The following GORAB variants were observed in gnomAD, a reference collection of about 807,000 sequenced individuals.
GORAB encodes golgin, RAB6 interacting, also known as RAB6-interacting golgin.
In GORAB, 17 loss-of-function variants were observed where a neutral mutation model predicts 29.9. That is an observed-to-expected ratio of 0.57 (90% CI 0.39 to 0.85). GORAB has a LOEUF of 0.85. Ranked by LOEUF, GORAB falls within the 40% of genes least tolerant of loss-of-function variation. The pLI is 0.00. For missense variants in GORAB, 442 were observed against 437.8 expected, an observed-to-expected ratio of 1.01 and a Z score of -0.09; for synonymous variants, 183 against 157.2, an observed-to-expected ratio of 1.16 and a Z score of -1.23.
At chr1:170,537,687 C>A (rs1306322979) in intron 1 of GORAB, among the ~76,000 whole-genome samples, 1 of 152,186 alleles carries the variant, frequency 6.6e-6, no homozygotes, top group Non-Finnish European at 1.5e-5. Context: ...AATTTGCCCC[C>A]TTTACACTAG....
At chr1:170,537,994 G>T (rs1649163742) in intron 1 of GORAB, among the ~76,000 whole-genome samples, 1 of 152,168 alleles carries the variant, frequency 6.6e-6, no homozygotes, top group South Asian at 2.1e-4. Flanking sequence ...ATGTGTTCCT[G>T]TTGCAAGATA....
At chr1:170,544,493 A>T (rs1483349812) in intron 3 of GORAB, 1 of 443,906 alleles carries the variant, frequency 2.3e-6, no homozygotes, top group Non-Finnish European at 4.0e-6. Context: ...TTTTAGACTT[A>T]TTTGTTACTT....
At chr1:170,532,929 C>T (rs1309494274) in intron 1 of GORAB, among the ~76,000 whole-genome samples, 2 of 152,180 alleles carry the variant, frequency 1.3e-5, no homozygotes, top group African/African-American at 2.4e-5. Flanking sequence ...CCTTGTGCTT[C>T]TCTCTCTGGC....
Position 170,550,862 on chromosome 1 carries a change from C to T in GORAB, c.663-1153C>T, listed in dbSNP as rs535686124. Among the ~76,000 whole-genome samples, 5 of 151,888 alleles carry T rather than the reference C, an allele frequency of 3.3e-5. No individual in the cohort carries two copies. The East Asian group carries it at 9.7e-4, about 29-fold the overall frequency. The stretch of plus-strand genomic sequence containing the variant: ...CAAGAGAGGAAGGACCCTCTTGTTG[C>T]AAAAAGAAAAGCAACAAATTTTATA... On this transcript the variant is annotated intron_variant, in intron 4 of 4. Coordinates refer to ENST00000367763, the MANE Select transcript of GORAB (RefSeq NM_152281.3).
At chr1:170,548,320 G>A (rs1217249670) in intron 4 of GORAB, among the ~76,000 whole-genome samples, 1 of 147,412 alleles carries the variant, frequency 6.8e-6, no homozygotes, top group East Asian at 2.0e-4. Context: ...TTACACTTAG[G>A]GTCCAGCTGG....
At chr1:170,541,808 T>G (rs936344744) in intron 2 of GORAB, among the ~76,000 whole-genome samples, 2 of 152,070 alleles carry the variant, frequency 1.3e-5, no homozygotes. Context: ...AGTGTTTTAC[T>G]TTGTTTAAAA....
chr1:170,544,636 C>G (rs1649641208), intron 3 of GORAB, 69 bp from the exon 4 acceptor site: 1 of 1,351,294 alleles, frequency 7.4e-7, no homozygotes, highest in East Asian at 2.3e-5. Context: ...TGCTTTTTCA[C>G]TTACATTGTA....
chr1:170,552,043 T>C lies in GORAB; in HGVS notation c.691T>C (p.Tyr231His). 1 of 1,613,824 alleles carries C rather than the reference T, an allele frequency of 6.2e-7. No homozygotes were observed. Among genetic ancestry groups the C allele is most frequent in the Non-Finnish European group, 8.5e-7 (1 of 1,179,910 alleles). ...GCGGTTTGACAGGGCTGAAGCAGAG[T>C]ACATTGCAGCAAAGCTAGATATACA... Reference protein sequence around the residue: ...RKRFDRAEAEYIAAKLDIQRK... With the variant: ...RKRFDRAEAEHIAAKLDIQRK... Residue 231 changes from tyrosine to histidine, a missense_variant, in exon 5 of 5, where the codon TAC (tyrosine) becomes CAC (histidine). Physicochemically the swap from Tyr to His is moderately conservative, Grantham distance 83. Coordinates refer to ENST00000367763, the MANE Select transcript of GORAB (RefSeq NM_152281.3).
Position 170,553,609 on chromosome 1 carries a change from T to G in GORAB, c.*1147T>G, listed in dbSNP as rs145282676. ...GTTTCTGAAAAACTTAGGGACATCC[T>G]GTTTTTAAATGGGTTTGTTTGAGGG... On this transcript the variant is annotated 3_prime_UTR_variant, in exon 5 of 5. Transcript: ENST00000367763. 6.6e-5 allele frequency: 30 copies of G among 453,002 alleles called. No individual in the cohort carries two copies. The East Asian group carries it at 2.1e-3, about 31-fold the overall frequency. 28.1% of individuals were successfully genotyped at this position (453,002 alleles called of 1,614,324 possible).
At chr1:170,536,986 C>T (rs1475626063) in intron 1 of GORAB, among the ~76,000 whole-genome samples, 1 of 152,124 alleles carries the variant, frequency 6.6e-6, no homozygotes, top group East Asian at 1.9e-4. Flanking sequence ...GTATATATCA[C>T]AAACTGGTAG....
intron 1 of GORAB, chr1:170,533,478 G>C (rs1310792842): frequency 2.3e-6 from 1 of 426,296 alleles, no homozygotes; most frequent in African/African-American, 2.0e-5. Context: ...CAAGTGCCCT[G>C]GCCTCTGGTC....
chr1:170,541,203 CAAAAAA>C (rs67384213), intron 2 of GORAB, among the ~76,000 whole-genome samples: 10 of 46,332 alleles, frequency 2.2e-4, no homozygotes, highest in Admixed American at 7.5e-4. Context: ...GATTCTGTCC[CAAAAAA>C]AAAAAAAAAA....
chr1:170,544,427 T>A (rs764978536), intron 3 of GORAB, among the ~76,000 whole-genome samples: 47 of 152,308 alleles, frequency 3.1e-4, no homozygotes, highest in South Asian at 1.0e-3. Context: ...ATTCTTTTAG[T>A]GTTTGTTCTC....
intron 1 of GORAB, 109 bp from the exon 2 acceptor site, chr1:170,539,101 A>C (rs1326138387): frequency 7.5e-7 from 1 of 1,333,930 alleles, no homozygotes; most frequent in Admixed American, 1.8e-5. Flanking sequence ...ATGGGGTAGG[A>C]GAACCACTAG....
chr1:170,546,506 A>G lies in GORAB; in HGVS notation c.662+1661A>G, dbSNP rs1198641659. Among the ~76,000 whole-genome samples the G allele has an allele frequency of 3.3e-5, 5 of 152,228 alleles. 1 individual carries two copies. The highest frequency in any genetic ancestry group is 4.1e-4 in the South Asian group (2 of 4,830). ...GAAATGTCATAGTTTTAGCCTTCTA[A>G]GAACCACAACAAAGAAGGTGGGATT... On this transcript the variant is annotated intron_variant, in intron 4 of 4. Coordinates refer to ENST00000367763, the MANE Select transcript of GORAB (RefSeq NM_152281.3).
rs143044266 is a variant in GORAB, at chr1:170,543,890, T to C, written c.522-815T>C. ...AATCATACTGTTAAGTGAAGTTTTG[T>C]AGGCAGAAAGGAAGGGTAAATGCCT... On this transcript the variant is annotated intron_variant, in intron 3 of 4. Transcript: ENST00000367763. 7.0e-3 allele frequency among the ~76,000 whole-genome samples: 1,069 copies of C among 152,292 alleles called. 6 individuals carry two copies. Among genetic ancestry groups the C allele is most frequent in the Non-Finnish European group, 0.012 (787 of 68,024 alleles).
chr1:170,550,307 G>A (rs1462439232), intron 4 of GORAB, among the ~76,000 whole-genome samples: 2 of 152,224 alleles, frequency 1.3e-5, no homozygotes, highest in African/African-American at 2.4e-5. Flanking sequence ...TCCTCTGAGA[G>A]TGTGGAATTG....
At chr1:170,543,444 A>G (rs1303136949) in intron 3 of GORAB, among the ~76,000 whole-genome samples, 2 of 152,146 alleles carry the variant, frequency 1.3e-5, no homozygotes, top group South Asian at 4.1e-4. Flanking sequence ...AGAGGGAAGA[A>G]GGTGATGGGT....
chr1:170,552,257 G>A lies in GORAB; in HGVS notation c.905G>A (p.Arg302Lys). 2 of 1,614,138 alleles carry A rather than the reference G, an allele frequency of 1.2e-6. No individual in the cohort carries two copies. Among genetic ancestry groups the A allele is most frequent in the Non-Finnish European group, 1.7e-6 (2 of 1,179,976 alleles). Residue 302 changes from arginine (R) to lysine (K), a missense_variant, in exon 5 of 5, where the codon AGA (arginine) becomes AAA (lysine). Physicochemically the swap from Arg to Lys is conservative, Grantham distance 26. Coordinates refer to ENST00000367763, the MANE Select transcript of GORAB (RefSeq NM_152281.3). ...CACGAACAAGAAGTAGAATCAAGGA[G>A]ACCAGTGGTTCGTTTAGAGAGGCCA... ...LLHEQEVESR[R>K]PVVRLERPFQ...
Sources: allele counts gnomAD v4.1 joint callset (sites outside exome capture counted in the v4.1 genomes callset), GRCh38; gene constraint gnomAD v4.1.1; transcripts MANE v1.5; gene names NCBI Gene and HGNC (gene_info 2026-07-23, HGNC 2026-07-21).